SPNS2: variants seen among roughly 807,000 people sequenced by gnomAD.
The protein encoded by SPNS2 is SPNS lysolipid transporter 2, sphingosine-1-phosphate.
SPNS2 carries 37 observed loss-of-function variants against 57.6 expected under a neutral mutation model. The observed-to-expected ratio is 0.64, with a 90% CI of 0.49 to 0.85. SPNS2 has a LOEUF of 0.85. Among genes scored for constraint, SPNS2 ranks in the 40% least tolerant of loss-of-function variants. SPNS2 has a pLI of 0.00. For synonymous variants in SPNS2, 440 were observed against 346.9 expected (o/e 1.27, Z -2.98); for missense variants, 831 against 779.1 (o/e 1.07, Z -0.79).
chr17:4,534,725 G>C (rs1434937972), intron 9 of SPNS2, among the ~76,000 whole-genome samples: 2 of 152,072 alleles, frequency 1.3e-5, no homozygotes, highest in Non-Finnish European at 2.9e-5. Flanking sequence ...CTGCGGTGGT[G>C]GTGGGGAGGC....
chr17:4,516,445 G>A (rs1259693039), intron 2 of SPNS2, among the ~76,000 whole-genome samples: 3 of 152,080 alleles, frequency 2.0e-5, no homozygotes, highest in Admixed American at 6.6e-5. Context: ...CTGGCAGGCC[G>A]TGTGCTGGGC....
intron 2 of SPNS2, among the ~76,000 whole-genome samples, chr17:4,519,928 A>G (rs1905097395): frequency 6.6e-6 from 1 of 151,992 alleles, no homozygotes; most frequent in Non-Finnish European, 1.5e-5. Context: ...AGGCCCCTCC[A>G]TGGCCTGTGA....
chr17:4,536,917 T>A lies in SPNS2; in HGVS notation c.1625T>A (p.Met542Lys), dbSNP rs1346530558. 6.2e-7 allele frequency: 1 copy of A among 1,613,230 alleles called. No individual in the cohort carries two copies. The highest frequency in any genetic ancestry group is 1.3e-5 in the African/African-American group (1 of 74,860). Residue 542 changes from methionine (M) to lysine (K), a missense_variant, in exon 12 of 13, where the codon ATG (methionine) becomes AAG (lysine). Coordinates refer to ENST00000329078, the MANE Select transcript of SPNS2 (RefSeq NM_001124758.3). ...TCCCCCAGGGTGAACCAGCTGGCGA[T>A]GCCGCCCGCATCTGTGAAAGTCTGA... ...RAEQQVNQLA[M>K]PPASVKV is the part of the protein sequence containing the mutation.
chr17:4,501,914 T>C (rs1904523816), intron 1 of SPNS2, among the ~76,000 whole-genome samples: 2 of 152,190 alleles, frequency 1.3e-5, no homozygotes, highest in African/African-American at 4.8e-5. Flanking sequence ...AATCTGTTTT[T>C]TCATAGTGTA....
chr17:4,529,905 G>T (rs1036174892), intron 3 of SPNS2, among the ~76,000 whole-genome samples: 1 of 152,162 alleles, frequency 6.6e-6, no homozygotes, highest in Non-Finnish European at 1.5e-5. Flanking sequence ...AGGGAAGTCA[G>T]GGAGACCCGG....
At chr17:4,503,904 G>C (rs1405878618) in intron 1 of SPNS2, among the ~76,000 whole-genome samples, 1 of 151,952 alleles carries the variant, frequency 6.6e-6, no homozygotes, top group Non-Finnish European at 1.5e-5. Context: ...AGCCGAGAGG[G>C]ACTTGGGGGC....
chr17:4,532,485 T>A (rs1296348828), intron 5 of SPNS2, 57 bp from the exon 6 acceptor site: 5 of 1,611,642 alleles, frequency 3.1e-6, no homozygotes, highest in African/African-American at 1.3e-5. Context: ...TCCCTCCTTC[T>A]GCAGCAGGGA....
intron 1 of SPNS2, among the ~76,000 whole-genome samples, chr17:4,502,848 C>A (rs1567586326): frequency 6.6e-6 from 1 of 152,206 alleles, no homozygotes; most frequent in Non-Finnish European, 1.5e-5. Flanking sequence ...TTCAGGACAC[C>A]TTTGCAAGCC....
At chr17:4,509,613 A>C (rs1181134843) in intron 1 of SPNS2, among the ~76,000 whole-genome samples, 1 of 152,204 alleles carries the variant, frequency 6.6e-6, no homozygotes. Context: ...GCCCAAGCCA[A>C]GGACTGACCC....
chr17:4,499,363 GC>G lies in SPNS2; in HGVS notation c.318del (p.Ile107SerfsTer63). 1 of 1,423,440 alleles carries G rather than the reference GC, an allele frequency of 7.0e-7. No individual in the cohort carries two copies. The highest frequency in any genetic ancestry group is 9.1e-7 in the Non-Finnish European group (1 of 1,092,986). 88.2% of individuals were successfully genotyped at this position (1,423,440 alleles called of 1,614,324 possible). On this transcript the variant is annotated frameshift_variant, in exon 1 of 13. Coordinates refer to ENST00000329078, the MANE Select transcript of SPNS2 (RefSeq NM_001124758.3). LOFTEE classifies it high-confidence loss of function. This position sits in a 1 kb window ranked among gnomAD's most constrained non-coding sequence, Gnocchi z 5.2. ...GGGCCGCGGGCGGGGGGCAGCCGCC[GC>G]CATCCTCAGCTTGGGCAACGTGCTC... ...SLGRGRGAAAAILSLGNVLNY... is the reference protein window; with the variant it reads ...SLGRGRGAAAXILSLGNVLNY...
At chr17:4,530,842 C>T (rs1905434596) in intron 4 of SPNS2, 59 bp downstream of exon 4, 5 of 1,575,750 alleles carry the variant, frequency 3.2e-6, no homozygotes, top group South Asian at 1.2e-5. Flanking sequence ...CCTTGGACTT[C>T]TGAGTTCTCC....
chr17:4,532,666 T>C lies in SPNS2; in HGVS notation c.917T>C (p.Met306Thr). Residue 306 changes from methionine (M) to threonine (T), a missense_variant, in exon 6 of 13, where the codon ATG becomes ACG. Met to Thr is a moderately conservative substitution (Grantham distance 81, BLOSUM62 -1). Around this residue, in one of 2 missense-constraint regions of SPNS2, gnomAD observed 526 missense variants for 400.9 expected, o/e 1.31. Coordinates refer to ENST00000329078, the MANE Select transcript of SPNS2 (RefSeq NM_001124758.3). Reference sequence around the variant, plus strand: ...GCCCGGACCTCATGGCTCCGAGATATGAAGGCCCTGATTCGAAAGTGAGTA... The same window carrying C: ...GCCCGGACCTCATGGCTCCGAGATACGAAGGCCCTGATTCGAAAGTGAGTA... Reference protein sequence around the residue: ...LKARTSWLRDMKALIRNRSYV... With the variant: ...LKARTSWLRDTKALIRNRSYV... 5 of 1,613,748 alleles carry C rather than the reference T, an allele frequency of 3.1e-6. No individual in the cohort carries two copies. Among genetic ancestry groups the C allele is most frequent in the East Asian group, 2.2e-5 (1 of 44,868 alleles).
intron 5 of SPNS2, 145 bp downstream of exon 5, chr17:4,531,264 A>G (rs1905456871): frequency 4.1e-6 from 3 of 733,338 alleles, no homozygotes; most frequent in Non-Finnish European, 7.0e-6. Flanking sequence ...GCCCTTCCAG[A>G]TTAGTCCAGA....
chr17:4,509,824 C>T (rs748991372), intron 1 of SPNS2, among the ~76,000 whole-genome samples: 2 of 152,204 alleles, frequency 1.3e-5, no homozygotes, highest in Non-Finnish European at 2.9e-5. Context: ...CCTGGAGAGG[C>T]CTGCATTGTG....
chr17:4,522,158 C>T (rs1474027939), intron 2 of SPNS2, among the ~76,000 whole-genome samples: 1 of 152,176 alleles, frequency 6.6e-6, no homozygotes, highest in Non-Finnish European at 1.5e-5. Flanking sequence ...GAGACGGTGC[C>T]ACTGCACTCC....
intron 5 of SPNS2, among the ~76,000 whole-genome samples, chr17:4,531,871 G>A (rs563406441): frequency 6.6e-6 from 1 of 152,124 alleles, no homozygotes; most frequent in East Asian, 1.9e-4. Flanking sequence ...TCTGGAAAAT[G>A]GGCTGGAAAC....
chr17:4,513,886 C>T (rs1009748442), intron 2 of SPNS2, among the ~76,000 whole-genome samples: 1 of 152,240 alleles, frequency 6.6e-6, no homozygotes, highest in African/African-American at 2.4e-5. Context: ...ACCACCCTCT[C>T]CCCTGGGGCC....
chr17:4,529,977 T>C (rs1243362657), intron 3 of SPNS2, among the ~76,000 whole-genome samples: 5 of 152,086 alleles, frequency 3.3e-5, no homozygotes. Context: ...TGGGGAAAGA[T>C]GACCAGGCTG....
chr17:4,506,383 C>T (rs1045796060), intron 1 of SPNS2, among the ~76,000 whole-genome samples: 2 of 152,200 alleles, frequency 1.3e-5, no homozygotes, highest in African/African-American at 2.4e-5. Context: ...ACTGGCCACA[C>T]CCCCTGTGGG....
Sources: gnomAD v4.1 joint callset for allele counts (sites outside exome capture counted in the v4.1 genomes callset) on GRCh38, gnomAD v4.1.1 for gene constraint, gnomAD v4.1.1 regional missense constraint, Gnocchi (gnomAD v3.1) non-coding constraint, MANE v1.5 for transcripts, NCBI Gene and HGNC (gene_info 2026-07-23, HGNC 2026-07-21) for gene names.